Variants in CTNNA2 observed in about 807,000 individuals in gnomAD.
CTNNA2 encodes the protein catenin alpha 2, also known as catenin alpha-2.
In CTNNA2, 42 loss-of-function variants were observed where a neutral mutation model predicts 101.0. That is an observed-to-expected ratio of 0.42 (90% CI 0.32 to 0.54). CTNNA2 has a LOEUF of 0.54. Ranked by LOEUF, CTNNA2 falls within the 20% of genes least tolerant of loss-of-function variation. The pLI, the probability that CTNNA2 is intolerant of heterozygous loss-of-function variation, is 0.14. For synonymous variants in CTNNA2, 450 were observed against 456.4 expected (o/e 0.99, Z 0.18); for missense variants, 871 against 1,223.1 (o/e 0.71, Z 4.29).
At chr2:79,726,429 C>T (rs1362342924) in intron 2 of CTNNA2, among the ~76,000 whole-genome samples, 2 of 152,132 alleles carry the variant, frequency 1.3e-5, no homozygotes, top group Non-Finnish European at 2.9e-5. Flanking sequence ...ACCTGAGCTC[C>T]GCCTCCTGTC....
At chr2:79,812,345 C>A (rs1173710354) in intron 3 of CTNNA2, among the ~76,000 whole-genome samples, 2 of 152,100 alleles carry the variant, frequency 1.3e-5, no homozygotes, top group East Asian at 3.9e-4. Context: ...AGTCTTTTGT[C>A]TTTAAGTAAG....
chr2:79,754,164 G>T lies in CTNNA2; in HGVS notation c.298+9582G>T, dbSNP rs561511415. On this transcript the variant is annotated intron_variant, in intron 3 of 18. Coordinates refer to ENST00000402739, the MANE Select transcript of CTNNA2 (RefSeq NM_001282597.3). ...TTACAGGCCTCAGCCACTGTGCCTG[G>T]CCTCACTATTTCATTTTTATTCAAT... Among the ~76,000 whole-genome samples, 3 of 152,178 alleles carry T rather than the reference G, an allele frequency of 2.0e-5. No individual in the cohort carries two copies. The East Asian group carries it at 5.8e-4, about 30-fold the overall frequency.
At chr2:80,362,746 C>G (rs1314146213) in intron 7 of CTNNA2, among the ~76,000 whole-genome samples, 1 of 152,072 alleles carries the variant, frequency 6.6e-6, no homozygotes, top group African/African-American at 2.4e-5. Flanking sequence ...ACGTCTTACC[C>G]ATAAGAACCA....
At chr2:79,871,735 A>G (rs1234606732) in intron 5 of CTNNA2, among the ~76,000 whole-genome samples, 4 of 152,210 alleles carry the variant, frequency 2.6e-5, no homozygotes, top group African/African-American at 7.2e-5. Flanking sequence ...CCCTCAATCC[A>G]GTCAAGTTGA....
At chr2:80,525,727 C>A (rs1444035861) in intron 9 of CTNNA2, among the ~76,000 whole-genome samples, 3 of 152,112 alleles carry the variant, frequency 2.0e-5, no homozygotes, top group African/African-American at 7.2e-5. Flanking sequence ...TTTTCCTAAG[C>A]CCCTCTTAAG....
Position 80,165,788 on chromosome 2 carries a change from C to T in CTNNA2, c.1057-227423C>T, listed in dbSNP as rs1704641972. On this transcript the variant is annotated intron_variant, in intron 7 of 18. Coordinates refer to ENST00000402739, the MANE Select transcript of CTNNA2 (RefSeq NM_001282597.3). Reference sequence around the variant, plus strand: ...CCTCACATAGTCTCCACTAAGACCCCTGGCAAGTTTTCTTATTATGTGGAT... The same window carrying T: ...CCTCACATAGTCTCCACTAAGACCCTTGGCAAGTTTTCTTATTATGTGGAT... Among the ~76,000 whole-genome samples, 3 of 152,186 alleles carry T rather than the reference C, an allele frequency of 2.0e-5. No individual in the cohort carries two copies. The South Asian group carries it at 6.2e-4, about 32-fold the overall frequency.
chr2:79,725,577 GT>G (rs942710979), intron 2 of CTNNA2, among the ~76,000 whole-genome samples: 7 of 152,090 alleles, frequency 4.6e-5, no homozygotes, highest in African/African-American at 1.7e-4. Context: ...AGTTCTGAGA[GT>G]TTTTTTGGAT....
At chr2:79,439,078 A>G (rs910389654) in intron 4 of CTNNA2, among the ~76,000 whole-genome samples, 1 of 152,198 alleles carries the variant, frequency 6.6e-6, no homozygotes, top group Non-Finnish European at 1.5e-5. Context: ...GCTATAAACA[A>G]GAGAATTAAA....
intron 3 of CTNNA2, among the ~76,000 whole-genome samples, chr2:79,842,176 T>G (rs1292662017): frequency 6.6e-6 from 1 of 152,228 alleles, no homozygotes; most frequent in Non-Finnish European, 1.5e-5. Flanking sequence ...AACTATGTCT[T>G]GGTATATTTT....
chr2:79,335,085 A>G (rs771377590), intron 3 of CTNNA2, among the ~76,000 whole-genome samples: 75 of 151,970 alleles, frequency 4.9e-4, no homozygotes, highest in Non-Finnish European at 9.6e-4. Flanking sequence ...AGTTAACTTC[A>G]CTCTAATCCC....
intron 7 of CTNNA2, among the ~76,000 whole-genome samples, chr2:80,169,139 C>G (rs57617625): frequency 0.45 from 68,503 of 152,054 alleles, 17,025 homozygotes; most frequent in East Asian, 0.67. Flanking sequence ...GAGCTGGCTT[C>G]CAGGGTTTGT....
chr2:80,038,130 G>C (rs142933080), intron 7 of CTNNA2, among the ~76,000 whole-genome samples: 1 of 152,082 alleles, frequency 6.6e-6, no homozygotes, highest in Non-Finnish European at 1.5e-5. Context: ...ACTCCAGTAC[G>C]ATCTGGCATG....
chr2:80,160,127 T>A (rs529843547), intron 7 of CTNNA2, among the ~76,000 whole-genome samples: 2 of 152,302 alleles, frequency 1.3e-5, no homozygotes, highest in Middle Eastern at 3.4e-3. Context: ...CAAAAATGTG[T>A]CCATTTCTGG....
chr2:80,318,826 A>G (rs1206413985), intron 7 of CTNNA2, among the ~76,000 whole-genome samples: 2 of 152,284 alleles, frequency 1.3e-5, no homozygotes, highest in Middle Eastern at 3.4e-3. Flanking sequence ...CCGTAGAGCA[A>G]TGCAGACAAG....
At position 79,465,991 on chromosome 2, in the gene CTNNA2, A is replaced by G. The variant is rs566897457; in HGVS notation, c.-134-39063A>G. On this transcript the variant is annotated intron_variant, in intron 4 of 21. Coordinates refer to the CTNNA2 transcript ENST00000466387. Reference sequence around the variant, plus strand: ...AAAAACAGGTGATTTCTGCATTTCCAACCAAGGTACTGGGTTCATCTCACT... The same window carrying G: ...AAAAACAGGTGATTTCTGCATTTCCGACCAAGGTACTGGGTTCATCTCACT... Among the ~76,000 whole-genome samples the G allele has an allele frequency of 2.2e-4, 34 of 152,250 alleles. No homozygotes were observed. The South Asian group carries it at 6.0e-3, about 27-fold the overall frequency.
chr2:79,626,144 A>C (rs1012713467), intron 1 of CTNNA2, among the ~76,000 whole-genome samples: 1 of 152,152 alleles, frequency 6.6e-6, no homozygotes, highest in Non-Finnish European at 1.5e-5. Context: ...CAGAAGTTGA[A>C]TCCTAGGAAT....
intron 4 of CTNNA2, among the ~76,000 whole-genome samples, chr2:79,424,165 A>G (rs367622993): frequency 1.3e-5 from 2 of 152,110 alleles, no homozygotes; most frequent in African/African-American, 4.8e-5. Context: ...TGTGAGACCA[A>G]CTGGGAATCA....
Position 79,809,329 on chromosome 2 carries a change from G to A in CTNNA2, c.299-48684G>A, listed in dbSNP as rs181606640. Among the ~76,000 whole-genome samples, 3 of 152,276 alleles carry A rather than the reference G, an allele frequency of 2.0e-5. No homozygotes were observed. The East Asian group carries it at 5.8e-4, about 29-fold the overall frequency. The stretch of plus-strand genomic sequence containing the variant: ...CAGTAATGGGATTGCGGGGTCAAAT[G>A]ATATTTCTGGTTCTAGATCCTTGAG... On this transcript the variant is annotated intron_variant, in intron 3 of 18. Coordinates refer to ENST00000402739, the MANE Select transcript of CTNNA2 (RefSeq NM_001282597.3).
At chr2:79,479,045 T>A (rs968891355) in intron 4 of CTNNA2, among the ~76,000 whole-genome samples, 7 of 152,222 alleles carry the variant, frequency 4.6e-5, no homozygotes, top group African/African-American at 1.7e-4. Flanking sequence ...TTAGCTTTAT[T>A]TTGTCAATTT....
Sources: gnomAD v4.1 joint callset for allele counts (sites outside exome capture counted in the v4.1 genomes callset) on GRCh38, gnomAD v4.1.1 for gene constraint, MANE v1.5 for transcripts, NCBI Gene and HGNC (gene_info 2026-07-23, HGNC 2026-07-21) for gene names.